SMURF1: variants seen among roughly 807,000 people sequenced by gnomAD.
The protein encoded by SMURF1 is SMAD specific E3 ubiquitin protein ligase 1.
Under a neutral mutation model 98.0 loss-of-function variants are expected in SMURF1, and 44 were observed. The observed-to-expected ratio is 0.45, with a 90% CI of 0.35 to 0.58. SMURF1 has a LOEUF of 0.58. Ranked by LOEUF, SMURF1 falls within the 20% of genes least tolerant of loss-of-function variation. The pLI is 0.00. For synonymous variants in SMURF1, 396 were observed against 374.9 expected (o/e 1.06, Z -0.65); for missense variants, 687 against 938.4 (o/e 0.73, Z 3.50).
chr7:99,073,188 C>T (rs1042380675), intron 1 of SMURF1, among the ~76,000 whole-genome samples: 1 of 151,484 alleles, frequency 6.6e-6, no homozygotes, highest in Non-Finnish European at 1.5e-5. Flanking sequence ...CCAGCCTGGC[C>T]AAAATGGTAA....
intron 1 of SMURF1, among the ~76,000 whole-genome samples, chr7:99,067,821 G>A (rs554901414): frequency 6.6e-6 from 1 of 152,194 alleles, no homozygotes; most frequent in African/African-American, 2.4e-5. Context: ...AGGCGTGGTG[G>A]CGGGTACCTG....
intron 1 of SMURF1, among the ~76,000 whole-genome samples, chr7:99,070,077 T>C (rs1358890661): frequency 2.0e-5 from 3 of 152,188 alleles, no homozygotes; most frequent in Non-Finnish European, 4.4e-5. Flanking sequence ...TCTTCTACAA[T>C]TGCACTAAAT....
rs3034266 is a variant in SMURF1 at position 99,137,011 on chromosome 7, CATAAA to C, written c.55+6710_55+6714del. Among the ~76,000 whole-genome samples the C allele has an allele frequency of 7.2e-5, 11 of 152,248 alleles. 1 individual carries two copies. The highest frequency in any genetic ancestry group is 5.9e-5 in the Non-Finnish European group (4 of 68,012). ...GGCACATTACCTGGCCTGGGAAAAA[CATAAA>C]ATAAAAATAAAGATAATACTGGTTT... On this transcript the variant is annotated intron_variant, in intron 1 of 17. Coordinates refer to ENST00000361368, the MANE Select transcript of SMURF1 (RefSeq NM_181349.3).
intron 1 of SMURF1, among the ~76,000 whole-genome samples, chr7:99,124,974 T>A (rs1797713963): frequency 6.6e-6 from 1 of 152,232 alleles, no homozygotes; most frequent in Non-Finnish European, 1.5e-5. Context: ...CAGTATTTAC[T>A]TCCTCTGGTC....
intron 1 of SMURF1, among the ~76,000 whole-genome samples, chr7:99,067,034 C>A (rs1796212201): frequency 6.9e-6 from 1 of 144,428 alleles, no homozygotes; most frequent in Non-Finnish European, 1.5e-5. Context: ...CTCGCTCTGT[C>A]ACCCAGACTG....
chr7:99,102,785 G>A (rs776371600), intron 1 of SMURF1, among the ~76,000 whole-genome samples: 9 of 152,076 alleles, frequency 5.9e-5, no homozygotes, highest in Non-Finnish European at 8.8e-5. Context: ...TCTTTTGGTG[G>A]TGCACGTAAT....
At chr7:99,046,730 T>G (rs1584457009) in intron 10 of SMURF1, among the ~76,000 whole-genome samples, 1 of 33,072 alleles carries the variant, frequency 3.0e-5, no homozygotes, top group African/African-American at 1.1e-4. Context: ...AGACTCCGTC[T>G]CAAAAAAAAA....
At chr7:99,084,893 A>G (rs1010180228) in intron 1 of SMURF1, among the ~76,000 whole-genome samples, 4 of 152,146 alleles carry the variant, frequency 2.6e-5, no homozygotes, top group Non-Finnish European at 5.9e-5. Flanking sequence ...TGGGGTTCTC[A>G]TGAATGATTT....
intron 1 of SMURF1, among the ~76,000 whole-genome samples, chr7:99,075,052 A>C (rs1395437610): frequency 6.6e-6 from 1 of 152,214 alleles, no homozygotes; most frequent in Non-Finnish European, 1.5e-5. Context: ...GACAATACTA[A>C]GTGCTAGCAA....
At chr7:99,059,092 A>G (rs867511791) in intron 3 of SMURF1, among the ~76,000 whole-genome samples, 4 of 151,248 alleles carry the variant, frequency 2.6e-5, no homozygotes, top group Non-Finnish European at 4.4e-5. Flanking sequence ...TGAAAAAAAA[A>G]TTTAATTTAA....
chr7:99,063,277 A>ATATATATAAGATT (rs1796102955), intron 1 of SMURF1, among the ~76,000 whole-genome samples: 1 of 20,300 alleles, frequency 4.9e-5, no homozygotes, highest in South Asian at 1.4e-3. Flanking sequence ...ATATATATAT[A>ATATATATAAGATT]TATATATATA....
chr7:99,108,856 T>C (rs1263474187), intron 1 of SMURF1, among the ~76,000 whole-genome samples: 1 of 152,220 alleles, frequency 6.6e-6, no homozygotes, highest in African/African-American at 2.4e-5. Flanking sequence ...GTAACAAATT[T>C]GTGGCGTGAC....
chr7:99,049,234 ATC>A (rs1795677461), intron 9 of SMURF1: 3 of 280,640 alleles, frequency 1.1e-5, no homozygotes, highest in Non-Finnish European at 2.0e-5. Context: ...GATAGCACGT[ATC>A]TCTACTTCTC....
At chr7:99,056,585 A>C (rs1160434229) in intron 5 of SMURF1, among the ~76,000 whole-genome samples, 2 of 152,192 alleles carry the variant, frequency 1.3e-5, no homozygotes, top group Non-Finnish European at 2.9e-5. Context: ...CACCATTCTT[A>C]TTATCTACCC....
chr7:99,051,157 G>C (rs1795744733), intron 8 of SMURF1, among the ~76,000 whole-genome samples, 200 bp downstream of exon 8: 1 of 152,110 alleles, frequency 6.6e-6, no homozygotes, highest in Admixed American at 6.5e-5. Flanking sequence ...TGTTTCAAAG[G>C]TCAACAATGA....
At chr7:99,090,108 A>G (rs1196341628) in intron 1 of SMURF1, among the ~76,000 whole-genome samples, 1 of 152,184 alleles carries the variant, frequency 6.6e-6, no homozygotes, top group Non-Finnish European at 1.5e-5. Flanking sequence ...GATGGTGAGA[A>G]ACAGGTGGAT....
Position 99,040,692 on chromosome 7 carries a change from C to T in SMURF1, c.1372-136G>A, listed in dbSNP as rs896077111. On this transcript the variant is annotated intron_variant, in intron 12 of 17. Transcript: ENST00000361368. ...TACTGACTCAGGGACTCACAGGCCC[C>T]GCTCCTGAACAAGTGAAAGAAGGCT... 51 of 738,216 alleles carry T rather than the reference C, an allele frequency of 6.9e-5. No homozygotes were observed. The Admixed American group carries it at 8.2e-4, about 12-fold the overall frequency. The allele number at this position is 738,216 out of a possible 1,614,324, so 45.7% of individuals were successfully genotyped here.
At chr7:99,084,683 G>A (rs748740347) in intron 1 of SMURF1, among the ~76,000 whole-genome samples, 6 of 151,962 alleles carry the variant, frequency 3.9e-5, no homozygotes, top group African/African-American at 1.2e-4. Context: ...GCACCCAGCC[G>A]ACTTTATTTC....
intron 1 of SMURF1, among the ~76,000 whole-genome samples, chr7:99,110,945 C>T (rs1041283512): frequency 2.6e-5 from 4 of 152,140 alleles, no homozygotes; most frequent in South Asian, 2.1e-4. Flanking sequence ...CATAGGGTGC[C>T]GCCTTTTGTG....
Sources: allele counts gnomAD v4.1 joint callset (sites outside exome capture counted in the v4.1 genomes callset), GRCh38; gene constraint gnomAD v4.1.1; transcripts MANE v1.5; gene names NCBI Gene and HGNC (gene_info 2026-07-23, HGNC 2026-07-21).